The following RAPGEF5 variants were observed in gnomAD, a reference collection of about 807,000 sequenced individuals.
RAPGEF5 encodes the protein M-Ras-regulated GEF.
RAPGEF5 carries 65 observed loss-of-function variants against 125.2 expected under a neutral mutation model. The ratio of observed to expected loss-of-function variants is 0.52; its 90% confidence interval spans 0.43 to 0.64. The LOEUF (loss-of-function observed/expected upper bound fraction) is 0.64, where lower values mean the gene tolerates loss of function less well. Ranked by LOEUF, RAPGEF5 falls within the 30% of genes least tolerant of loss-of-function variation. The pLI is 0.00. For synonymous variants in RAPGEF5, 391 were observed against 385.9 expected (o/e 1.01, Z -0.16); for missense variants, 958 against 1,048.1 (o/e 0.91, Z 1.19).
chr7:22,217,966 TC>T (rs1341012926), intron 9 of RAPGEF5, among the ~76,000 whole-genome samples: 1 of 152,054 alleles, frequency 6.6e-6, no homozygotes, highest in African/African-American at 2.4e-5. Flanking sequence ...AATGTAGATT[TC>T]TTTTTTTTTT....
chr7:22,232,940 A>G (rs1562774257), intron 7 of RAPGEF5, among the ~76,000 whole-genome samples: 1 of 152,200 alleles, frequency 6.6e-6, no homozygotes, highest in Non-Finnish European at 1.5e-5. Flanking sequence ...CTGAGCATCT[A>G]AAGGCAAGGT....
intron 5 of RAPGEF5, among the ~76,000 whole-genome samples, chr7:22,297,896 A>G (rs1273110096): frequency 6.6e-6 from 1 of 152,138 alleles, no homozygotes. Context: ...GGTTTTGTAT[A>G]AAGTCTTATC....
intron 1 of RAPGEF5, among the ~76,000 whole-genome samples, chr7:22,343,764 T>A (rs1784172048): frequency 6.6e-6 from 1 of 152,148 alleles, no homozygotes; most frequent in African/African-American, 2.4e-5. Context: ...ATTCGACTAT[T>A]TGTTACTTCA....
intron 6 of RAPGEF5, among the ~76,000 whole-genome samples, chr7:22,282,914 G>A (rs2128145173): frequency 6.6e-6 from 1 of 152,124 alleles, no homozygotes; most frequent in East Asian, 1.9e-4. Flanking sequence ...TCTGTGTAAT[G>A]GAATACTATA....
intron 5 of RAPGEF5, among the ~76,000 whole-genome samples, chr7:22,291,456 A>G (rs1481061262): frequency 6.6e-6 from 1 of 152,190 alleles, no homozygotes; most frequent in Non-Finnish European, 1.5e-5. Flanking sequence ...ACCTCTTTAC[A>G]ATGCACCAAT....
chr7:22,196,815 G>A lies in RAPGEF5; in HGVS notation c.997-2782C>T, dbSNP rs568101768. Among the ~76,000 whole-genome samples, 97 of 152,292 alleles carry A rather than the reference G, an allele frequency of 6.4e-4. 2 individuals carry two copies. The South Asian group carries it at 0.014, about 21-fold the overall frequency. Reference sequence around the variant, plus strand: ...CTAAGACAGCCTGCCTGCCACAGACGTTTAGCAAGCAGTTAGAAATAAAGA... The same window carrying A: ...CTAAGACAGCCTGCCTGCCACAGACATTTAGCAAGCAGTTAGAAATAAAGA... On this transcript the variant is annotated intron_variant, in intron 9 of 25. Coordinates refer to ENST00000665637, the MANE Select transcript of RAPGEF5 (RefSeq NM_012294.5).
At chr7:22,315,202 C>T (rs565409602) in intron 3 of RAPGEF5, among the ~76,000 whole-genome samples, 168 bp downstream of exon 3, 1 of 152,274 alleles carries the variant, frequency 6.6e-6, no homozygotes, top group Admixed American at 6.5e-5. Context: ...TAAACAAATG[C>T]ATGACTAAGT....
chr7:22,286,528 A>G (rs547495977), intron 6 of RAPGEF5, among the ~76,000 whole-genome samples: 3 of 152,324 alleles, frequency 2.0e-5, no homozygotes, highest in East Asian at 3.9e-4. Flanking sequence ...CTGGTTGTTG[A>G]TTTTAAGTAA....
intron 7 of RAPGEF5, among the ~76,000 whole-genome samples, chr7:22,235,121 A>G (rs1379808929): frequency 1.3e-5 from 2 of 152,368 alleles, no homozygotes; most frequent in African/African-American, 4.8e-5. Flanking sequence ...TCAAGCCTCA[A>G]TGTGAGACAT....
chr7:22,268,652 C>T (rs1782343599), intron 6 of RAPGEF5, among the ~76,000 whole-genome samples: 1 of 152,186 alleles, frequency 6.6e-6, no homozygotes, highest in African/African-American at 2.4e-5. Context: ...GAAAACCCCA[C>T]TGTGGCACAC....
intron 5 of RAPGEF5, among the ~76,000 whole-genome samples, chr7:22,299,978 G>T (rs928177493): frequency 1.3e-5 from 2 of 152,208 alleles, no homozygotes; most frequent in African/African-American, 2.4e-5. Flanking sequence ...GAGTGCTCCT[G>T]TTTGGGGTTC....
At chr7:22,277,611 A>G (rs1470743774) in intron 6 of RAPGEF5, among the ~76,000 whole-genome samples, 1 of 152,100 alleles carries the variant, frequency 6.6e-6, no homozygotes, top group African/African-American at 2.4e-5. Flanking sequence ...CAGGTCATTG[A>G]CAGAATCCAG....
intron 1 of RAPGEF5, among the ~76,000 whole-genome samples, chr7:22,344,966 T>C (rs760947647): frequency 3.3e-5 from 5 of 152,200 alleles, no homozygotes; most frequent in Non-Finnish European, 7.3e-5. Context: ...TCTAGTCCAG[T>C]GTTACAAAGT....
chr7:22,342,857 T>C (rs1372238769), intron 1 of RAPGEF5, among the ~76,000 whole-genome samples: 1 of 152,274 alleles, frequency 6.6e-6, no homozygotes, highest in South Asian at 2.1e-4. Flanking sequence ...ATTCAACAAG[T>C]CTCTAGGAAG....
intron 14 of RAPGEF5, among the ~76,000 whole-genome samples, chr7:22,159,194 T>C (rs1161668410): frequency 6.6e-6 from 1 of 152,220 alleles, no homozygotes; most frequent in Non-Finnish European, 1.5e-5. Context: ...TATTTTCATA[T>C]AAGTCTTAGG....
At chr7:22,193,100 T>C (rs564360165) in intron 11 of RAPGEF5, 2 of 529,236 alleles carry the variant, frequency 3.8e-6, no homozygotes, top group East Asian at 3.1e-5. Flanking sequence ...TTAGGTGAGA[T>C]TTGGGAAAAA....
chr7:22,325,990 C>T (rs150367331), intron 1 of RAPGEF5, among the ~76,000 whole-genome samples: 1 of 152,316 alleles, frequency 6.6e-6, no homozygotes, highest in African/African-American at 2.4e-5. Context: ...GTTCTCTTTT[C>T]AATTCCCACA....
At chr7:22,195,666 C>G (rs1486286931) in intron 9 of RAPGEF5, among the ~76,000 whole-genome samples, 3 of 152,016 alleles carry the variant, frequency 2.0e-5, no homozygotes, top group African/African-American at 7.2e-5. Flanking sequence ...CCTTTGTTAT[C>G]TATGTGGCTG....
intron 11 of RAPGEF5, among the ~76,000 whole-genome samples, chr7:22,185,861 T>A (rs1784809410): frequency 7.0e-6 from 1 of 142,652 alleles, no homozygotes; most frequent in South Asian, 2.2e-4. Context: ...TTAATCTAAT[T>A]TTTTTTTTTT....
Sources: gnomAD v4.1 joint callset for allele counts (sites outside exome capture counted in the v4.1 genomes callset) on GRCh38, gnomAD v4.1.1 for gene constraint, MANE v1.5 for transcripts, NCBI Gene and HGNC (gene_info 2026-07-23, HGNC 2026-07-21) for gene names.